TPST1: variants seen among roughly 807,000 people sequenced by gnomAD.
TPST1 encodes protein-tyrosine sulfotransferase 1.
A neutral mutation model predicts 34.8 loss-of-function variants in TPST1; 20 were observed. The ratio of observed to expected loss-of-function variants is 0.57; its 90% CI spans 0.40 to 0.84. TPST1 has a LOEUF of 0.84. Ranked by LOEUF, TPST1 falls within the 40% of genes least tolerant of loss-of-function variation. TPST1 has a pLI of 0.00. For missense variants in TPST1, 353 were observed against 455.5 expected, an observed-to-expected ratio of 0.78 and a Z score of 2.05; for synonymous variants, 152 against 159.4, an observed-to-expected ratio of 0.95 and a Z score of 0.35.
At chr7:66,276,385 T>TATATATATATATATATATATATATATTTA (rs1431495136) in intron 2 of TPST1, among the ~76,000 whole-genome samples, 1 of 137,748 alleles carries the variant, frequency 7.3e-6, no homozygotes, top group Admixed American at 7.2e-5. Context: ...TATATATGTA[T>TATATATATATATATATATATATATATTTA]TTTTTTGAGG....
At position 66,206,287 on chromosome 7, in the gene TPST1, C is replaced by T. The variant is rs1025642783; in HGVS notation, c.-102+765C>T. ...TCCATAGTGTAATATCTTCATTCGT[C>T]CTTACATGAGCTGCACCCCATAACA... On this transcript the variant is annotated intron_variant, in intron 1 of 5. Transcript: ENST00000304842. 1.2e-4 allele frequency among the ~76,000 whole-genome samples: 19 copies of T among 152,184 alleles called. No homozygotes were observed. The East Asian group carries it at 2.3e-3, about 19-fold the overall frequency.
intron 2 of TPST1, among the ~76,000 whole-genome samples, chr7:66,263,821 C>T (rs932240140): frequency 2.0e-5 from 3 of 152,090 alleles, no homozygotes; most frequent in Admixed American, 1.3e-4. Flanking sequence ...AAATTTTACC[C>T]TTCCATAAGA....
chr7:66,336,420 C>A (rs1463208844), intron 3 of TPST1, among the ~76,000 whole-genome samples: 1 of 151,644 alleles, frequency 6.6e-6, no homozygotes, highest in Admixed American at 6.6e-5. Context: ...GAAATAGAAA[C>A]AAGAAAACAA....
chr7:66,254,918 C>A (rs1314659270), intron 2 of TPST1, among the ~76,000 whole-genome samples: 1 of 151,944 alleles, frequency 6.6e-6, no homozygotes, highest in Non-Finnish European at 1.5e-5. Flanking sequence ...GAGGCCAAGG[C>A]GGGTGGATCA....
chr7:66,299,178 T>C lies in TPST1; in HGVS notation c.1044+12469T>C, dbSNP rs187116718. Among the ~76,000 whole-genome samples, 738 of 152,044 alleles carry C rather than the reference T, an allele frequency of 4.9e-3. 8 individuals carry two copies. The highest frequency in any genetic ancestry group is 0.016 in the African/African-American group (676 of 41,490). On this transcript the variant is annotated intron_variant, in intron 3 of 5. Coordinates refer to ENST00000304842, the MANE Select transcript of TPST1 (RefSeq NM_003596.4). ...ATATATTATGCTTTGTGGGCCACAGTTGGGCTCTTTGTTCTTTACTTGAAG... is the reference window on the plus strand; with the variant it reads ...ATATATTATGCTTTGTGGGCCACAGCTGGGCTCTTTGTTCTTTACTTGAAG...
chr7:66,356,869 G>A lies in TPST1; in HGVS notation c.*27G>A. ...AGAACCAGGAGCCTCTTCCATACAT[G>A]AGGTGAGGGTTGGGGGACATTGCCA... On this transcript the variant is annotated splice_region_variant and 3_prime_UTR_variant, in exon 5 of 6. Transcript: ENST00000304842. 1 of 1,614,146 alleles carries A rather than the reference G, an allele frequency of 6.2e-7. No homozygotes were observed. Among genetic ancestry groups the A allele is most frequent in the Admixed American group, 1.7e-5 (1 of 60,004 alleles).
chr7:66,318,525 G>GGT (rs1791683071), intron 3 of TPST1, among the ~76,000 whole-genome samples: 1 of 151,478 alleles, frequency 6.6e-6, no homozygotes, highest in African/African-American at 2.4e-5. Flanking sequence ...GGAGTGCAGT[G>GGT]GCACGATCTC....
intron 1 of TPST1, among the ~76,000 whole-genome samples, chr7:66,235,972 G>A (rs1789904326): frequency 6.6e-6 from 1 of 151,992 alleles, no homozygotes; most frequent in South Asian, 2.1e-4. Context: ...CTGTCTGACT[G>A]AGACTGATAC....
At chr7:66,328,899 TATA>T (rs1562847248) in intron 3 of TPST1, among the ~76,000 whole-genome samples, 1 of 56,752 alleles carries the variant, frequency 1.8e-5, no homozygotes, top group African/African-American at 8.5e-5. Context: ...TATATATATA[TATA>T]TATATTTTTT....
At chr7:66,264,446 A>G (rs1042927166) in intron 2 of TPST1, among the ~76,000 whole-genome samples, 2 of 152,198 alleles carry the variant, frequency 1.3e-5, no homozygotes, top group Non-Finnish European at 2.9e-5. Context: ...GTTAGAAGCT[A>G]CCTGGCTAAG....
chr7:66,252,548 T>G (rs769369135), intron 2 of TPST1, among the ~76,000 whole-genome samples: 3 of 151,424 alleles, frequency 2.0e-5, no homozygotes, highest in Non-Finnish European at 4.4e-5. Context: ...TTAGCCAGGA[T>G]GATCTCGATC....
chr7:66,253,484 C>A (rs1221501186), intron 2 of TPST1, among the ~76,000 whole-genome samples: 2 of 151,364 alleles, frequency 1.3e-5, no homozygotes, highest in Non-Finnish European at 2.9e-5. Context: ...GATTCTCATG[C>A]CTCAATTCTC....
intron 5 of TPST1, chr7:66,359,318 C>G (rs896731452): frequency 1.4e-5 from 2 of 148,068 alleles, no homozygotes; most frequent in African/African-American, 5.0e-5. Flanking sequence ...CTTAAAGAAC[C>G]TTAGGACCCA....
intron 3 of TPST1, among the ~76,000 whole-genome samples, chr7:66,330,820 G>A (rs1470996424): frequency 2.0e-5 from 3 of 152,166 alleles, no homozygotes; most frequent in African/African-American, 4.8e-5. Flanking sequence ...TTTGGTATGT[G>A]TGACAATGGA....
At chr7:66,340,632 C>A (rs911101406) in intron 3 of TPST1, among the ~76,000 whole-genome samples, 1 of 152,004 alleles carries the variant, frequency 6.6e-6, no homozygotes, top group African/African-American at 2.4e-5. Context: ...AAAAGCAATC[C>A]CATTTACATA....
chr7:66,326,331 T>G (rs1791866348), intron 3 of TPST1, among the ~76,000 whole-genome samples: 2 of 152,220 alleles, frequency 1.3e-5, no homozygotes, highest in African/African-American at 4.8e-5. Flanking sequence ...CAGAATGCCC[T>G]GTGAGCTCAG....
rs1005078064 is a variant in TPST1 at position 66,304,916 on chromosome 7, C to T, written c.1044+18207C>T. Among the ~76,000 whole-genome samples, 4 of 151,966 alleles carry T rather than the reference C, an allele frequency of 2.6e-5. 1 individual carries two copies. The East Asian group carries it at 5.8e-4, about 22-fold the overall frequency. On this transcript the variant is annotated intron_variant, in intron 3 of 5. Transcript: ENST00000304842. ...CACTGCATCCAGAATCTCCTGGGCC[C>T]AAGCGATCCGCCTGCCTTAGCTTCT...
Position 66,205,965 on chromosome 7 carries a change from G to A in TPST1, c.-102+443G>A, listed in dbSNP as rs982854755. On this transcript the variant is annotated intron_variant, in intron 1 of 5. Coordinates refer to ENST00000304842, the MANE Select transcript of TPST1 (RefSeq NM_003596.4). This position sits in a 1 kb window ranked among gnomAD's most constrained non-coding sequence, Gnocchi z 5.0. Reference sequence around the variant, plus strand: ...ATGGCAGTCGCCCGCCCCGCTCCAGGTGTCCCTGGGTCTTGCCCTTTTGCT... The same window carrying A: ...ATGGCAGTCGCCCGCCCCGCTCCAGATGTCCCTGGGTCTTGCCCTTTTGCT... 6.6e-6 allele frequency: 1 copy of A among 152,452 alleles called. No homozygotes were observed. The highest frequency in any genetic ancestry group is 2.4e-5 in the African/African-American group (1 of 41,418). 9.4% of individuals were successfully genotyped at this position (152,452 alleles called of 1,614,324 possible). A position where few individuals can be genotyped will look rare whatever the true frequency, so the allele number is the denominator to read the frequency against.
intron 2 of TPST1, among the ~76,000 whole-genome samples, chr7:66,279,814 A>G (rs1759727371): frequency 6.6e-6 from 1 of 152,256 alleles, no homozygotes; most frequent in Non-Finnish European, 1.5e-5. Flanking sequence ...TCTTTATTTG[A>G]TAAATAGTAC....
Sources: allele counts gnomAD v4.1 joint callset (sites outside exome capture counted in the v4.1 genomes callset), GRCh38; gene constraint gnomAD v4.1.1; non-coding constraint Gnocchi (gnomAD v3.1); transcripts MANE v1.5; gene names NCBI Gene and HGNC (gene_info 2026-07-23, HGNC 2026-07-21).